Variants in AGAP1 observed in about 807,000 individuals in gnomAD.
AGAP1 encodes ArfGAP with GTPase domain, ankyrin repeat and PH domain 1.
A neutral mutation model predicts 105.3 loss-of-function variants in AGAP1; 29 were observed. The ratio of observed to expected loss-of-function variants is 0.28; its 90% confidence interval spans 0.21 to 0.38. The LOEUF (loss-of-function observed/expected upper bound fraction) is 0.38. Ranked by LOEUF, AGAP1 falls within the 10% of genes least tolerant of loss-of-function variation. The pLI is 1.00. For missense variants in AGAP1, 998 were observed against 1,165.1 expected (o/e 0.86, Z 2.09); for synonymous variants, 509 against 485.9 (o/e 1.05, Z -0.63).
intron 16 of AGAP1, among the ~76,000 whole-genome samples, chr2:236,069,084 G>A (rs559063639): frequency 4.6e-5 from 7 of 151,382 alleles, no homozygotes; most frequent in South Asian, 2.1e-4. Context: ...CCGAGATCAC[G>A]CTAGTGCGCT....
intron 12 of AGAP1, among the ~76,000 whole-genome samples, chr2:235,945,760 T>C (rs2053467457): frequency 6.6e-6 from 1 of 152,018 alleles, no homozygotes; most frequent in South Asian, 2.1e-4. Context: ...AAAGAGGTTT[T>C]GTTGTCTCAC....
chr2:235,827,580 A>G (rs1201280390), intron 9 of AGAP1, among the ~76,000 whole-genome samples: 1 of 152,170 alleles, frequency 6.6e-6, no homozygotes, highest in Non-Finnish European at 1.5e-5. Flanking sequence ...GTGTGCCAGG[A>G]TACTTTGCTG....
rs967905730 is a variant in AGAP1 at position 236,104,194 on chromosome 2, C to T, written c.2115-15998C>T. On this transcript the variant is annotated intron_variant, in intron 16 of 17. Transcript: ENST00000304032. This position sits in a 1 kb window ranked among gnomAD's most constrained non-coding sequence, Gnocchi z 4.7. Reference sequence around the variant, plus strand: ...GCAGGAAGAGGCTGAGGGCCCGCTCCAGCAGCCGGGGCGCTGGTAGGGCCA... The same window carrying T: ...GCAGGAAGAGGCTGAGGGCCCGCTCTAGCAGCCGGGGCGCTGGTAGGGCCA... 2.6e-5 allele frequency among the ~76,000 whole-genome samples: 4 copies of T among 152,194 alleles called. No homozygotes were observed. The highest frequency in any genetic ancestry group is 7.2e-5 in the African/African-American group (3 of 41,446).
In AGAP1 at chr2:235,639,881, G is replaced by A. The variant is rs1164752241; in HGVS notation, c.164-69298G>A. Among the ~76,000 whole-genome samples, 1 of 152,198 alleles carries A rather than the reference G, an allele frequency of 6.6e-6. No individual in the cohort carries two copies. The highest frequency in any genetic ancestry group is 1.5e-5 in the Non-Finnish European group (1 of 68,040). On this transcript the variant is annotated intron_variant, in intron 1 of 17. Transcript: ENST00000304032. The surrounding 1 kb of genome is among the most constrained non-coding windows in gnomAD (Gnocchi z 5.3). ...AGGGGTCCACGGATTGATAGAGTCA[G>A]CAGGGATGGACAGTTTCCCCTTCAG...
In AGAP1 at chr2:235,864,146, G is replaced by A. The variant is rs2049051051; in HGVS notation, c.1051-19199G>A. On this transcript the variant is annotated intron_variant, in intron 9 of 17. Transcript: ENST00000304032. This position sits in a 1 kb window ranked among gnomAD's most constrained non-coding sequence, Gnocchi z 5.0. ...TGCTGTAGCATGTGTAATCTTTGCA[G>A]TGACAACAATTTAGGGATCATTCGC... Among the ~76,000 whole-genome samples, 1 of 152,212 alleles carries A rather than the reference G, an allele frequency of 6.6e-6. No individual in the cohort carries two copies. Among genetic ancestry groups the A allele is most frequent in the Admixed American group, 6.5e-5 (1 of 15,274 alleles).
At chr2:235,762,647 C>T (rs1486571716) in intron 6 of AGAP1, among the ~76,000 whole-genome samples, 1 of 152,092 alleles carries the variant, frequency 6.6e-6, no homozygotes, top group East Asian at 1.9e-4. Context: ...GCAGGTGGAT[C>T]CCCTGAGGTC....
intron 1 of AGAP1, among the ~76,000 whole-genome samples, chr2:235,587,302 A>C (rs1399724508): frequency 6.6e-6 from 1 of 152,156 alleles, no homozygotes; most frequent in African/African-American, 2.4e-5. Flanking sequence ...ACAGCCAGAG[A>C]GTGACAGAGA....
chr2:235,547,983 A>G (rs1392420652), intron 1 of AGAP1, among the ~76,000 whole-genome samples: 1 of 152,260 alleles, frequency 6.6e-6, no homozygotes, highest in Non-Finnish European at 1.5e-5. Flanking sequence ...GAATTATTTC[A>G]TGAGAATGCA....
intron 16 of AGAP1, among the ~76,000 whole-genome samples, chr2:236,088,102 G>C (rs1435646898): frequency 1.3e-5 from 2 of 152,178 alleles, no homozygotes; most frequent in African/African-American, 4.8e-5. Flanking sequence ...CTTCACCAAT[G>C]TGCCTTTCAT....
At chr2:235,903,542 T>C (rs2051160660) in intron 10 of AGAP1, among the ~76,000 whole-genome samples, 1 of 152,128 alleles carries the variant, frequency 6.6e-6, no homozygotes, top group South Asian at 2.1e-4. Flanking sequence ...TGAGAATCAA[T>C]ATAGTAAGGG....
intron 1 of AGAP1, among the ~76,000 whole-genome samples, chr2:235,604,828 C>T (rs1474080409): frequency 4.0e-5 from 6 of 151,710 alleles, no homozygotes; most frequent in South Asian, 2.1e-4. Flanking sequence ...GTGATCTGCC[C>T]GCCTCTTCCT....
At chr2:236,069,420 A>C (rs538025315) in intron 16 of AGAP1, among the ~76,000 whole-genome samples, 2 of 152,270 alleles carry the variant, frequency 1.3e-5, no homozygotes, top group African/African-American at 4.8e-5. Context: ...TGATATAAAC[A>C]GTGCAACTTT....
Position 235,877,066 on chromosome 2 carries a change from C to CAAACTCCTG in AGAP1, c.1051-6277_1051-6269dup, listed in dbSNP as rs1043904414. Among the ~76,000 whole-genome samples, 1 of 151,958 alleles carries CAAACTCCTG rather than the reference C, an allele frequency of 6.6e-6. No homozygotes were observed. Among genetic ancestry groups the CAAACTCCTG allele is most frequent in the African/African-American group, 2.4e-5 (1 of 41,368 alleles). Reference sequence around the variant, plus strand: ...CTTCACCATTTGGTCAGGCTGGTCTCAAACTCCTGACCTCATGATCCACCC... The same window carrying CAAACTCCTG: ...CTTCACCATTTGGTCAGGCTGGTCTCAAACTCCTGAAACTCCTGACCTCATGATCCACCC... On this transcript the variant is annotated intron_variant, in intron 9 of 17. Coordinates refer to ENST00000304032, the MANE Select transcript of AGAP1 (RefSeq NM_001037131.3). This position sits in a 1 kb window ranked among gnomAD's most constrained non-coding sequence, Gnocchi z 4.3.
intron 6 of AGAP1, chr2:235,774,219 A>G (rs1955682133): frequency 5.0e-6 from 2 of 400,596 alleles, no homozygotes; most frequent in Admixed American, 6.9e-5. Context: ...ACATCTATAA[A>G]CTAAAAATGC....
At chr2:235,674,476 A>C (rs1057165500) in intron 1 of AGAP1, among the ~76,000 whole-genome samples, 1 of 152,210 alleles carries the variant, frequency 6.6e-6, no homozygotes, top group Non-Finnish European at 1.5e-5. Flanking sequence ...CACACTGGCT[A>C]TGCCCATCCA....
At chr2:235,602,162 A>G (rs1161358836) in intron 1 of AGAP1, among the ~76,000 whole-genome samples, 1 of 152,212 alleles carries the variant, frequency 6.6e-6, no homozygotes, top group African/African-American at 2.4e-5. Flanking sequence ...AGTTGGGGGA[A>G]AAAATCAAAA....
At chr2:236,108,806 C>T (rs1051123726) in intron 16 of AGAP1, among the ~76,000 whole-genome samples, 26 of 152,028 alleles carry the variant, frequency 1.7e-4, no homozygotes, top group Non-Finnish European at 3.7e-4. Flanking sequence ...CCACACACAG[C>T]GGCCCCTGTG....
rs1357962059 is a variant in AGAP1, at chr2:236,082,644, C to T, written c.2114+33363C>T. ...ATCCCAACACTTTGGGAGGCCAAGACGGGTGGATCACCTGAGGCCAGGAGT... is the reference window on the plus strand; with the variant it reads ...ATCCCAACACTTTGGGAGGCCAAGATGGGTGGATCACCTGAGGCCAGGAGT... On this transcript the variant is annotated intron_variant, in intron 16 of 17. Coordinates refer to ENST00000304032, the MANE Select transcript of AGAP1 (RefSeq NM_001037131.3). The surrounding 1 kb of genome is among the most constrained non-coding windows in gnomAD (Gnocchi z 4.2). 1.1e-4 allele frequency among the ~76,000 whole-genome samples: 16 copies of T among 152,180 alleles called. No individual in the cohort carries two copies. Among genetic ancestry groups the T allele is most frequent in the African/African-American group, 2.2e-4 (9 of 41,524 alleles).
chr2:236,030,865 GA>G (rs2057202283), intron 13 of AGAP1, among the ~76,000 whole-genome samples: 1 of 152,242 alleles, frequency 6.6e-6, no homozygotes, highest in Non-Finnish European at 1.5e-5. Flanking sequence ...GCTGAAAGTA[GA>G]AGGAAGTGGA....
Sources: allele counts gnomAD v4.1 joint callset (sites outside exome capture counted in the v4.1 genomes callset), GRCh38; gene constraint gnomAD v4.1.1; non-coding constraint Gnocchi (gnomAD v3.1); transcripts MANE v1.5; gene names NCBI Gene and HGNC (gene_info 2026-07-23, HGNC 2026-07-21).